Variants in PRKACA observed in about 807,000 individuals in gnomAD.
PRKACA encodes cAMP-dependent protein kinase catalytic subunit alpha.
In PRKACA, 9 loss-of-function variants were observed where a neutral mutation model predicts 45.8. The observed-to-expected ratio is 0.20, with a 90% CI of 0.12 to 0.34. PRKACA has a LOEUF of 0.34. Among genes scored for constraint, PRKACA ranks in the 10% least tolerant of loss-of-function variants. The pLI, the probability that PRKACA is intolerant of heterozygous loss-of-function variation, is 1.00. For synonymous variants in PRKACA, 160 were observed against 178.6 expected, an observed-to-expected ratio of 0.90 and a Z score of 0.83; for missense variants, 238 against 458.6, an observed-to-expected ratio of 0.52 and a Z score of 4.39.
At chr19:14,113,487 C>T (rs1450551611) in intron 1 of PRKACA, among the ~76,000 whole-genome samples, 3 of 152,164 alleles carry the variant, frequency 2.0e-5, no homozygotes, top group Admixed American at 6.5e-5. Flanking sequence ...AAGCCAGGAC[C>T]ACAGCAGAAA....
At chr19:14,096,105 C>T (rs1599334744) in intron 8 of PRKACA, among the ~76,000 whole-genome samples, 1 of 126,940 alleles carries the variant, frequency 7.9e-6, no homozygotes, top group African/African-American at 3.1e-5. Context: ...ATGGTGTGAT[C>T]TTGGCTCACT....
At chr19:14,109,999 T>TAC (rs764855462) in intron 1 of PRKACA, among the ~76,000 whole-genome samples, 693 of 55,240 alleles carry the variant, frequency 0.013, 29 homozygotes, top group East Asian at 0.031. Flanking sequence ...TATATATATA[T>TAC]ACACACACAC....
chr19:14,099,704 T>C (rs933420117), intron 5 of PRKACA, among the ~76,000 whole-genome samples: 1 of 151,670 alleles, frequency 6.6e-6, no homozygotes, highest in Non-Finnish European at 1.5e-5. Flanking sequence ...AGTGGGATTA[T>C]AGGGCATGAG....
chr19:14,104,695 CAAAAAAA>C (rs1187253406), intron 3 of PRKACA, among the ~76,000 whole-genome samples: 2 of 53,236 alleles, frequency 3.8e-5, no homozygotes, highest in Admixed American at 2.2e-4. Context: ...GACTCCATCT[CAAAAAAA>C]AAAAAAAAAA....
intron 3 of PRKACA, among the ~76,000 whole-genome samples, chr19:14,105,960 C>T (rs1299062640): frequency 6.6e-6 from 1 of 152,178 alleles, no homozygotes; most frequent in Non-Finnish European, 1.5e-5. Flanking sequence ...GTCACAGTGC[C>T]TGGCTTTGAA....
In PRKACA at chr19:14,097,711, G is replaced by T. The variant is rs377016441; in HGVS notation, c.547-37C>A. The T allele has an allele frequency of 4.4e-5, 71 of 1,612,448 alleles. No homozygotes were observed. In the African/African-American group the frequency reaches 8.4e-4, roughly 19 times the overall value. ...AGAACAGGCAGTTGGCAGGGAGGAA[G>T]GGTCCAGGCCACGGCTTCCCCAGGG... On this transcript the variant is annotated intron_variant, in intron 6 of 9. Coordinates refer to ENST00000308677, the MANE Select transcript of PRKACA (RefSeq NM_002730.4). The surrounding 1 kb of genome is among the most constrained non-coding windows in gnomAD (Gnocchi z 5.4).
chr19:14,110,316 C>CA (rs997831804), intron 1 of PRKACA, among the ~76,000 whole-genome samples: 5 of 151,468 alleles, frequency 3.3e-5, no homozygotes, highest in African/African-American at 1.2e-4. Flanking sequence ...GACTCTTTCT[C>CA]AAAAAAATAA....
At chr19:14,094,033 T>C (rs1977173393) in intron 8 of PRKACA, among the ~76,000 whole-genome samples, 2 of 152,126 alleles carry the variant, frequency 1.3e-5, no homozygotes, top group Non-Finnish European at 2.9e-5. Flanking sequence ...TTAGTTATTT[T>C]AAGAAGTTTT....
At chr19:14,112,869 G>C (rs1481902458) in intron 1 of PRKACA, among the ~76,000 whole-genome samples, 1 of 152,158 alleles carries the variant, frequency 6.6e-6, no homozygotes, top group Non-Finnish European at 1.5e-5. Context: ...AAGAGTTAAG[G>C]TTCAGGATCA....
In PRKACA at chr19:14,092,904, G is replaced by A. The variant is rs1355034859; in HGVS notation, c.*208C>T. 1.0e-5 allele frequency: 6 copies of A among 593,384 alleles called. No individual in the cohort carries two copies. The African/African-American group carries it at 1.1e-4, about 11-fold the overall frequency. 36.8% of individuals were successfully genotyped at this position (593,384 alleles called of 1,614,324 possible). On this transcript the variant is annotated 3_prime_UTR_variant, in exon 10 of 10. Coordinates refer to ENST00000308677, the MANE Select transcript of PRKACA (RefSeq NM_002730.4). ...GAAAAGTGGGAGAGGGGGCAGGAGGGTGAAGGGGATGAGGGGGAGCAGCTG... is the reference window on the plus strand; with the variant it reads ...GAAAAGTGGGAGAGGGGGCAGGAGGATGAAGGGGATGAGGGGGAGCAGCTG...
chr19:14,109,985 T>A (rs1374626943), intron 1 of PRKACA, among the ~76,000 whole-genome samples: 1 of 86,588 alleles, frequency 1.2e-5, no homozygotes, highest in Non-Finnish European at 2.1e-5. Flanking sequence ...TATATATATA[T>A]ATATATATAT....
At chr19:14,104,349 A>AG (rs1304990359) in intron 3 of PRKACA, among the ~76,000 whole-genome samples, 3 of 149,962 alleles carry the variant, frequency 2.0e-5, no homozygotes, top group Non-Finnish European at 3.0e-5. Flanking sequence ...AAAAAAAAAA[A>AG]AAAAAACAAC....
intron 8 of PRKACA, chr19:14,096,905 C>T (rs530102073): frequency 1.6e-4 from 46 of 287,606 alleles, no homozygotes; most frequent in South Asian, 1.5e-3. Flanking sequence ...TCTGAACCCT[C>T]AGAGTTAGGC....
At chr19:14,114,013 C>T in intron 1 of PRKACA, 2 of 1,193,098 alleles carry the variant, frequency 1.7e-6, no homozygotes, top group Non-Finnish European at 2.4e-6. Flanking sequence ...TTTCCAGGGC[C>T]AGCCAGGGGT....
At chr19:14,096,016 G>A (rs971844216) in intron 8 of PRKACA, among the ~76,000 whole-genome samples, 2 of 146,178 alleles carry the variant, frequency 1.4e-5, no homozygotes, top group Admixed American at 6.8e-5. Flanking sequence ...GCACCATCAC[G>A]CCCAGCTAAT....
In PRKACA at chr19:14,093,214, C is replaced by G. The variant is rs1977142672; in HGVS notation, c.954G>C (p.Lys318Asn). ...TACTCGTATCCCCAGGGCCTTTAAA[C>G]TTTGGTATGAAGGGAGCTTCCACCT... is the stretch of plus-strand genomic sequence containing the variant. Reference protein sequence around the residue: ...QRKVEAPFIPKFKGPGDTSNF... With the variant: ...QRKVEAPFIPNFKGPGDTSNF... Residue 318 changes from lysine (K) to asparagine (N), a missense_variant, in exon 10 of 10, where the codon AAG becomes AAC. Lys to Asn is a moderately conservative substitution (Grantham distance 94, BLOSUM62 0). Around this residue, in one of 3 missense-constraint regions of PRKACA, gnomAD observed 51 missense variants for 68.6 expected, o/e 0.74. Coordinates refer to ENST00000308677, the MANE Select transcript of PRKACA (RefSeq NM_002730.4). 6.2e-7 allele frequency: 1 copy of G among 1,613,968 alleles called. No homozygotes were observed. The highest frequency in any genetic ancestry group is 8.5e-7 in the Non-Finnish European group (1 of 1,179,952).
At chr19:14,108,046 T>C in intron 1 of PRKACA, 1 of 985,756 alleles carries the variant, frequency 1.0e-6, no homozygotes, top group Non-Finnish European at 1.2e-6. Context: ...GTCTACACTG[T>C]CTCATCTGAC....
chr19:14,117,422 G>T (rs1412442700), intron 1 of PRKACA, 80 bp downstream of exon 1: 6 of 1,222,344 alleles, frequency 4.9e-6, no homozygotes, highest in Non-Finnish European at 4.1e-6. Flanking sequence ...GGCCCCGTAG[G>T]GGGAGGGGCC....
intron 3 of PRKACA, among the ~76,000 whole-genome samples, chr19:14,106,118 AAGT>A (rs1257312360): frequency 6.6e-6 from 1 of 152,008 alleles, no homozygotes; most frequent in Non-Finnish European, 1.5e-5. Flanking sequence ...TGGGAGGCTG[AAGT>A]AGGAGATCAC....
Sources: gnomAD v4.1 joint callset for allele counts (sites outside exome capture counted in the v4.1 genomes callset) on GRCh38, gnomAD v4.1.1 for gene constraint, gnomAD v4.1.1 regional missense constraint, Gnocchi (gnomAD v3.1) non-coding constraint, MANE v1.5 for transcripts, NCBI Gene and HGNC (gene_info 2026-07-23, HGNC 2026-07-21) for gene names.